MSRA: variants seen among roughly 807,000 people sequenced by gnomAD.
The protein encoded by MSRA is methionine sulfoxide reductase A.
Under a neutral mutation model 31.3 loss-of-function variants are expected in MSRA, and 54 were observed. The ratio of observed to expected loss-of-function variants is 1.73; its 90% CI spans 1.39 to 2.17. The LOEUF (loss-of-function observed/expected upper bound fraction) is 2.17, where lower values mean the gene tolerates loss of function less well. MSRA is among the 30% of genes most tolerant of loss of function. The pLI, the probability that MSRA is intolerant of heterozygous loss-of-function variation, is 0.00. For synonymous variants in MSRA, 169 were observed against 116.5 expected, an observed-to-expected ratio of 1.45 and a Z score of -2.90; for missense variants, 507 against 300.9, an observed-to-expected ratio of 1.69 and a Z score of -5.07.
chr8:10,344,193 T>C (rs1254394972), intron 5 of MSRA, among the ~76,000 whole-genome samples: 2 of 152,112 alleles, frequency 1.3e-5, no homozygotes, highest in Non-Finnish European at 2.9e-5. Context: ...CTAACAGCAG[T>C]GTGATCGAGG....
chr8:10,350,780 C>G (rs760967107), intron 5 of MSRA, among the ~76,000 whole-genome samples: 2 of 152,172 alleles, frequency 1.3e-5, no homozygotes, highest in African/African-American at 2.4e-5. Flanking sequence ...GACTTACCCC[C>G]GAGGCCTCGC....
chr8:10,353,796 C>G (rs989352319), intron 5 of MSRA: 1 of 319,266 alleles, frequency 3.1e-6, no homozygotes, highest in African/African-American at 2.2e-5. Flanking sequence ...TCACACAAGA[C>G]AGTAATAAAC....
intron 1 of MSRA, among the ~76,000 whole-genome samples, chr8:10,177,402 T>G (rs79214670): frequency 0.019 from 2,864 of 152,342 alleles, 38 homozygotes; most frequent in Non-Finnish European, 0.028. Flanking sequence ...TATGGCATCC[T>G]AGAGTCGATT....
intron 5 of MSRA, among the ~76,000 whole-genome samples, chr8:10,357,076 C>T (rs1352516621): frequency 6.6e-6 from 1 of 152,110 alleles, no homozygotes; most frequent in South Asian, 2.1e-4. Flanking sequence ...AGGTGTGGAC[C>T]AGACCCAAGT....
intron 1 of MSRA, among the ~76,000 whole-genome samples, chr8:10,145,120 C>T (rs1232438342): frequency 2.0e-5 from 3 of 152,146 alleles, no homozygotes; most frequent in Non-Finnish European, 2.9e-5. Flanking sequence ...TATTAGCATA[C>T]TGAAATGAAG....
At chr8:10,190,914 G>C (rs975813694) in intron 1 of MSRA, among the ~76,000 whole-genome samples, 5 of 151,948 alleles carry the variant, frequency 3.3e-5, no homozygotes, top group African/African-American at 1.2e-4. Context: ...GGAGACCAGA[G>C]TGTAGTGAGA....
At chr8:10,063,677 T>G (rs577120533) in intron 1 of MSRA, among the ~76,000 whole-genome samples, 15 of 152,238 alleles carry the variant, frequency 9.9e-5, no homozygotes, top group Middle Eastern at 3.4e-3. Flanking sequence ...CTAGCTAGTC[T>G]TTTCGGCCAT....
intron 3 of MSRA, among the ~76,000 whole-genome samples, chr8:10,287,538 T>C (rs1170351733): frequency 1.3e-5 from 2 of 152,180 alleles, no homozygotes; most frequent in Non-Finnish European, 2.9e-5. Context: ...ACAAGCTACC[T>C]AAGTCCAGAA....
intron 5 of MSRA, among the ~76,000 whole-genome samples, chr8:10,375,740 A>G (rs1805721799): frequency 6.6e-6 from 1 of 152,190 alleles, no homozygotes; most frequent in African/African-American, 2.4e-5. Flanking sequence ...AAAGACCAAC[A>G]TCTTGCTTCG....
At chr8:10,263,315 T>C (rs1365223653) in intron 3 of MSRA, among the ~76,000 whole-genome samples, 1 of 152,206 alleles carries the variant, frequency 6.6e-6, no homozygotes, top group African/African-American at 2.4e-5. Context: ...TGATTTATCC[T>C]TCATCACCTG....
chr8:10,195,662 G>C (rs1397556731), intron 1 of MSRA, among the ~76,000 whole-genome samples: 2 of 152,168 alleles, frequency 1.3e-5, no homozygotes, highest in Non-Finnish European at 2.9e-5. Flanking sequence ...AGGCCAGCTG[G>C]CCTGAGCAAA....
chr8:10,299,326 G>A (rs1287868041), intron 3 of MSRA, among the ~76,000 whole-genome samples: 1 of 152,014 alleles, frequency 6.6e-6, no homozygotes, highest in Admixed American at 6.5e-5. Context: ...AATATTCAGA[G>A]ATTTTTAATG....
chr8:10,073,037 G>C (rs894184630), intron 1 of MSRA, among the ~76,000 whole-genome samples: 1 of 152,024 alleles, frequency 6.6e-6, no homozygotes, highest in African/African-American at 2.4e-5. Context: ...CTATCACCTG[G>C]AAGTAGAGTT....
intron 1 of MSRA, among the ~76,000 whole-genome samples, chr8:10,122,717 TTTTGTTCCCATCTTTGTGTCCA>T (rs1327970954): frequency 1.3e-5 from 2 of 152,116 alleles, no homozygotes; most frequent in African/African-American, 4.8e-5. Context: ...CCCCAGTGTC[TTTTGTTCCCATCTTTGTGTCCA>T]TGTGTTCACA....
At chr8:10,161,132 A>G (rs1348423958) in intron 1 of MSRA, among the ~76,000 whole-genome samples, 1 of 152,232 alleles carries the variant, frequency 6.6e-6, no homozygotes, top group East Asian at 1.9e-4. Flanking sequence ...GGTCTGTGTG[A>G]ATTCTAATGA....
intron 1 of MSRA, among the ~76,000 whole-genome samples, chr8:10,184,857 A>C (rs1806881422): frequency 6.6e-6 from 1 of 152,192 alleles, no homozygotes; most frequent in African/African-American, 2.4e-5. Flanking sequence ...TCCAGCACTC[A>C]CATTGTACTG....
At chr8:10,177,215 T>G (rs1351037093) in intron 1 of MSRA, among the ~76,000 whole-genome samples, 2 of 151,964 alleles carry the variant, frequency 1.3e-5, no homozygotes, top group East Asian at 3.9e-4. Context: ...CTTGGAAGAG[T>G]CTTCACAGAA....
intron 1 of MSRA, among the ~76,000 whole-genome samples, chr8:10,187,973 G>A (rs892264946): frequency 5.3e-5 from 8 of 152,134 alleles, no homozygotes; most frequent in African/African-American, 1.9e-4. Context: ...TTTTCAATTT[G>A]CTTTACAGAC....
intron 5 of MSRA, among the ~76,000 whole-genome samples, chr8:10,398,029 T>C (rs1807209905): frequency 6.6e-6 from 1 of 152,216 alleles, no homozygotes; most frequent in Non-Finnish European, 1.5e-5. Flanking sequence ...AAGATTGGCT[T>C]TAATTAGAGC....
Sources: allele counts gnomAD v4.1 joint callset (sites outside exome capture counted in the v4.1 genomes callset), GRCh38; gene constraint gnomAD v4.1.1; transcripts MANE v1.5; gene names NCBI Gene and HGNC (gene_info 2026-07-23, HGNC 2026-07-21).